Variants in SEMA3A observed in about 807,000 individuals in gnomAD.
SEMA3A encodes semaphorin 3A, also known as semaphorin-3A.
A neutral mutation model predicts 97.9 loss-of-function variants in SEMA3A; 29 were observed. The ratio of observed to expected loss-of-function variants is 0.30; its 90% CI spans 0.22 to 0.40. The LOEUF (loss-of-function observed/expected upper bound fraction) is 0.40. Ranked by LOEUF, SEMA3A falls within the 10% of genes least tolerant of loss-of-function variation. The pLI is 1.00. For missense variants in SEMA3A, 763 were observed against 951.3 expected (o/e 0.80, Z 2.60); for synonymous variants, 321 against 323.7 (o/e 0.99, Z 0.09).
chr7:84,069,078 C>T (rs978217947), intron 4 of SEMA3A, among the ~76,000 whole-genome samples: 4 of 152,012 alleles, frequency 2.6e-5, no homozygotes, highest in African/African-American at 9.7e-5. Flanking sequence ...CCTTTCCAGT[C>T]TAGTGAGATG....
intron 4 of SEMA3A, among the ~76,000 whole-genome samples, chr7:84,069,452 G>C (rs989239674): frequency 1.3e-5 from 2 of 152,006 alleles, no homozygotes; most frequent in Admixed American, 1.3e-4. Context: ...GTTCTACTAT[G>C]ATCAAAATAT....
chr7:84,000,839 C>T (rs1790410025), intron 12 of SEMA3A, among the ~76,000 whole-genome samples: 1 of 152,098 alleles, frequency 6.6e-6, no homozygotes, highest in Non-Finnish European at 1.5e-5. Context: ...TAAAATACTA[C>T]TGAAGAGTGA....
chr7:84,173,864 A>C (rs1280665377), intron 1 of SEMA3A, among the ~76,000 whole-genome samples: 4 of 152,108 alleles, frequency 2.6e-5, no homozygotes, highest in Admixed American at 2.6e-4. Context: ...CGGGGGCATT[A>C]GATTGTCACA....
chr7:84,227,249 G>A (rs929763282), intron 3 of SEMA3A, among the ~76,000 whole-genome samples: 2 of 151,896 alleles, frequency 1.3e-5, no homozygotes, highest in Non-Finnish European at 2.9e-5. Context: ...CAGGAGAAAT[G>A]TAATTGACTA....
intron 6 of SEMA3A, among the ~76,000 whole-genome samples, chr7:84,029,775 T>C (rs1791670976): frequency 6.6e-6 from 1 of 150,850 alleles, no homozygotes; most frequent in South Asian, 2.1e-4. Context: ...TATTATCTCA[T>C]AAGGTTACAC....
intron 5 of SEMA3A, among the ~76,000 whole-genome samples, chr7:84,055,986 T>C (rs1395952314): frequency 2.6e-5 from 4 of 152,140 alleles, no homozygotes; most frequent in African/African-American, 9.7e-5. Flanking sequence ...CATTAAAAGG[T>C]GGTTGTGAAT....
chr7:84,160,721 T>C (rs1453833274), intron 1 of SEMA3A, among the ~76,000 whole-genome samples: 3 of 150,838 alleles, frequency 2.0e-5, no homozygotes, highest in East Asian at 4.0e-4. Context: ...CTACTAATAA[T>C]ACAAAAAAAT....
chr7:84,463,865 T>C (rs187847424), intron 1 of SEMA3A, among the ~76,000 whole-genome samples: 15 of 152,304 alleles, frequency 9.8e-5, no homozygotes, highest in Admixed American at 9.2e-4. Context: ...ACAATATAAT[T>C]ATATACTTTT....
chr7:84,261,418 A>G (rs1301855487), intron 3 of SEMA3A, among the ~76,000 whole-genome samples: 1 of 152,216 alleles, frequency 6.6e-6, no homozygotes, highest in East Asian at 1.9e-4. Context: ...GAAGGAAAAA[A>G]AAGCTGTGGC....
At chr7:84,362,296 ATAAC>A (rs1286782142) in intron 2 of SEMA3A, among the ~76,000 whole-genome samples, 1 of 152,024 alleles carries the variant, frequency 6.6e-6, no homozygotes, top group African/African-American at 2.4e-5. Context: ...AATAGCAAAA[ATAAC>A]AGTAACAACA....
chr7:84,002,465 G>A (rs1241528712), intron 11 of SEMA3A, among the ~76,000 whole-genome samples: 1 of 152,090 alleles, frequency 6.6e-6, no homozygotes, highest in Non-Finnish European at 1.5e-5. Context: ...GTCACGACAG[G>A]TTCTTCCACT....
At chr7:84,392,891 T>C (rs777402975) in intron 1 of SEMA3A, among the ~76,000 whole-genome samples, 9 of 151,682 alleles carry the variant, frequency 5.9e-5, no homozygotes, top group Non-Finnish European at 1.3e-4. Context: ...AATCAGATTA[T>C]TTGTTTTCAG....
chr7:84,437,368 GTTTATT>G (rs1311344796), intron 1 of SEMA3A, among the ~76,000 whole-genome samples: 2 of 151,940 alleles, frequency 1.3e-5, no homozygotes, highest in Non-Finnish European at 2.9e-5. Context: ...TCCCTTGAAT[GTTTATT>G]TCCAGTTAAT....
At chr7:84,076,637 TG>T (rs1399289847) in intron 4 of SEMA3A, among the ~76,000 whole-genome samples, 3 of 152,184 alleles carry the variant, frequency 2.0e-5, no homozygotes, top group Non-Finnish European at 4.4e-5. Context: ...GTATTTAACA[TG>T]GTCTTCATGT....
chr7:84,364,760 A>C (rs1802803853), intron 2 of SEMA3A, among the ~76,000 whole-genome samples: 2 of 151,660 alleles, frequency 1.3e-5, no homozygotes, highest in African/African-American at 4.8e-5. Context: ...AACTAAAAGA[A>C]GTTAGTAAAT....
chr7:84,268,866 T>C (rs552345583), intron 3 of SEMA3A, among the ~76,000 whole-genome samples: 5 of 152,156 alleles, frequency 3.3e-5, no homozygotes, highest in Non-Finnish European at 7.4e-5. Context: ...CTCTTGAGAA[T>C]TGCAACTCCA....
At chr7:84,311,517 G>GT (rs1801317772) in intron 2 of SEMA3A, among the ~76,000 whole-genome samples, 1 of 151,916 alleles carries the variant, frequency 6.6e-6, no homozygotes, top group Admixed American at 6.6e-5. Context: ...AGATTACAGG[G>GT]TTTTTTGTGC....
At chr7:84,400,944 C>A (rs1381784668) in intron 1 of SEMA3A, among the ~76,000 whole-genome samples, 2 of 152,112 alleles carry the variant, frequency 1.3e-5, no homozygotes, top group African/African-American at 4.8e-5. Context: ...GAAAGCTTTT[C>A]CTGTAAGAAC....
At chr7:83,980,619 A>ACAAAC (rs1256179822) in intron 14 of SEMA3A, among the ~76,000 whole-genome samples, 1 of 79,882 alleles carries the variant, frequency 1.3e-5, no homozygotes, top group Non-Finnish European at 2.4e-5. Context: ...AAAAAAAAAA[A>ACAAAC]AAAAATATAT....
Sources: allele counts gnomAD v4.1 joint callset (sites outside exome capture counted in the v4.1 genomes callset), GRCh38; gene constraint gnomAD v4.1.1; transcripts MANE v1.5; gene names NCBI Gene and HGNC (gene_info 2026-07-23, HGNC 2026-07-21).